Variants in TMEM207 observed in about 807,000 individuals in gnomAD.
TMEM207 encodes SRSR846.
In TMEM207, 15 loss-of-function variants were observed where a neutral mutation model predicts 17.4. That is an observed-to-expected ratio of 0.86 (90% confidence interval 0.58 to 1.33). The LOEUF (loss-of-function observed/expected upper bound fraction) is 1.33, where lower values mean the gene tolerates loss of function less well. Among genes scored for constraint, TMEM207 ranks in the 40% most tolerant of loss-of-function variants. TMEM207 has a pLI of 0.00. For synonymous variants in TMEM207, 70 were observed against 65.6 expected, an observed-to-expected ratio of 1.07 and a Z score of -0.33; for missense variants, 205 against 173.8, an observed-to-expected ratio of 1.18 and a Z score of -1.01.
chr3:190,445,290 C>T (rs1310037802), intron 2 of TMEM207, among the ~76,000 whole-genome samples: 1 of 152,168 alleles, frequency 6.6e-6, no homozygotes. Flanking sequence ...TCATGCACAT[C>T]AGTGTCCTTG....
intron 4 of TMEM207, among the ~76,000 whole-genome samples, chr3:190,434,379 T>C (rs1000392877): frequency 6.6e-6 from 1 of 152,156 alleles, no homozygotes; most frequent in African/African-American, 2.4e-5. Flanking sequence ...TAAGATCTAA[T>C]GGTTTTATCA....
chr3:190,448,555 G>C (rs759872084), intron 1 of TMEM207, among the ~76,000 whole-genome samples: 1 of 152,104 alleles, frequency 6.6e-6, no homozygotes, highest in Non-Finnish European at 1.5e-5. Context: ...TTATCTATTT[G>C]CTTGCTTGAC....
chr3:190,432,104 T>TA (rs1453088231), intron 4 of TMEM207, among the ~76,000 whole-genome samples: 1 of 152,230 alleles, frequency 6.6e-6, no homozygotes, highest in Non-Finnish European at 1.5e-5. Flanking sequence ...CTATAGTTTT[T>TA]ACAGAACTGC....
chr3:190,431,371 T>C (rs921147765), intron 4 of TMEM207, among the ~76,000 whole-genome samples: 11 of 152,100 alleles, frequency 7.2e-5, no homozygotes, highest in Non-Finnish European at 4.4e-5. Flanking sequence ...GCTGTACTAA[T>C]GATAGGAACA....
chr3:190,438,070 G>A (rs1719841264), intron 4 of TMEM207, among the ~76,000 whole-genome samples: 2 of 133,958 alleles, frequency 1.5e-5, no homozygotes, highest in East Asian at 2.4e-4. Context: ...GACACAGGAA[G>A]GGGAACATCA....
At chr3:190,431,767 ATTT>A (rs1356327205) in intron 4 of TMEM207, among the ~76,000 whole-genome samples, 3 of 152,166 alleles carry the variant, frequency 2.0e-5, no homozygotes, top group African/African-American at 4.8e-5. Flanking sequence ...GCTCCAATTT[ATTT>A]GTACGATTGC....
intron 3 of TMEM207, among the ~76,000 whole-genome samples, chr3:190,440,949 A>G (rs1016236116): frequency 1.7e-4 from 26 of 152,122 alleles, no homozygotes; most frequent in African/African-American, 2.2e-4. Context: ...GGCGCCTGTA[A>G]TCCCAGCTAC....
chr3:190,438,177 C>A (rs2108534644), intron 4 of TMEM207, among the ~76,000 whole-genome samples: 1 of 151,708 alleles, frequency 6.6e-6, no homozygotes, highest in East Asian at 1.9e-4. Flanking sequence ...AGCACACCAG[C>A]ATGGCACATG....
chr3:190,430,981 T>C (rs1011564521), intron 4 of TMEM207, among the ~76,000 whole-genome samples: 1 of 152,160 alleles, frequency 6.6e-6, no homozygotes, highest in African/African-American at 2.4e-5. Flanking sequence ...CGGAGATTAC[T>C]CAAAATGATT....
rs6770924 is a variant in TMEM207 at position 190,440,940 on chromosome 3, G to A, written c.158+498C>T. On this transcript the variant is annotated intron_variant, in intron 3 of 4. Transcript: ENST00000354905. ...AAAAATTAGCTGGGCGTGATGGCGG[G>A]CGCCTGTAATCCCAGCTACTCCGGA... Among the ~76,000 whole-genome samples, 337 of 152,264 alleles carry A rather than the reference G, an allele frequency of 2.2e-3. 3 individuals are homozygous for A. Among genetic ancestry groups the A allele is most frequent in the African/African-American group, 7.7e-3 (321 of 41,554 alleles).
rs574601853 is a variant in TMEM207 at position 190,437,798 on chromosome 3, C to T, written c.304+2446G>A. Among the ~76,000 whole-genome samples, 20 of 151,670 alleles carry T rather than the reference C, an allele frequency of 1.3e-4. No homozygotes were observed. In the East Asian group the frequency reaches 2.5e-3, roughly 19 times the overall value. Reference sequence around the variant, plus strand: ...ATGCTGCTATAAAGACACATGCACACGTATGTTTATTGCGGCACTATTCAC... The same window carrying T: ...ATGCTGCTATAAAGACACATGCACATGTATGTTTATTGCGGCACTATTCAC... On this transcript the variant is annotated intron_variant, in intron 4 of 4. Transcript: ENST00000354905.
chr3:190,435,741 G>A (rs1393526307), intron 4 of TMEM207, among the ~76,000 whole-genome samples: 3 of 152,208 alleles, frequency 2.0e-5, no homozygotes, highest in Non-Finnish European at 4.4e-5. Flanking sequence ...GCAGAGTACT[G>A]TGAAAAGACA....
chr3:190,436,937 G>A (rs1320714158), intron 4 of TMEM207, among the ~76,000 whole-genome samples: 1 of 152,136 alleles, frequency 6.6e-6, no homozygotes, highest in African/African-American at 2.4e-5. Flanking sequence ...TGCCTATCCT[G>A]CCATCCTGAG....
intron 2 of TMEM207, among the ~76,000 whole-genome samples, chr3:190,444,096 T>A (rs537027358): frequency 6.6e-6 from 1 of 152,296 alleles, no homozygotes; most frequent in Non-Finnish European, 1.5e-5. Context: ...TTTGATAAAT[T>A]CAGGAAGAAA....
intron 4 of TMEM207, among the ~76,000 whole-genome samples, chr3:190,437,761 G>C (rs1719834458): frequency 1.3e-5 from 2 of 152,000 alleles, no homozygotes; most frequent in African/African-American, 2.4e-5. Context: ...TATACCCAAA[G>C]GACTATAAAT....
At chr3:190,434,641 CAG>C (rs1719762327) in intron 4 of TMEM207, among the ~76,000 whole-genome samples, 1 of 152,188 alleles carries the variant, frequency 6.6e-6, no homozygotes, top group African/African-American at 2.4e-5. Context: ...TACCTCAACA[CAG>C]ATACTGAACA....
intron 4 of TMEM207, among the ~76,000 whole-genome samples, chr3:190,437,919 T>C (rs1481242619): frequency 2.0e-5 from 3 of 151,504 alleles, no homozygotes; most frequent in East Asian, 3.9e-4. Context: ...TATGCAGCCA[T>C]AAAAAATGAT....
rs775651294 is a variant in TMEM207, at chr3:190,429,652, T to C, written c.384A>G (p.Pro128=). The C allele has an allele frequency of 6.8e-6, 11 of 1,613,598 alleles. No homozygotes were observed. Among genetic ancestry groups the C allele is most frequent in the Middle Eastern group, 1.7e-4 (1 of 6,056 alleles). Reference sequence around the variant, plus strand: ...GTGGGGAGCCTAAAGGGCCAAAACATGGAGCAGGAACAGGATATAGGTCAG... The same window carrying C: ...GTGGGGAGCCTAAAGGGCCAAAACACGGAGCAGGAACAGGATATAGGTCAG... ...QTPDLYPVPA[P]CFGPLGSPPP... is the part of the protein sequence containing the mutation. The change falls in exon 5 of 5, where the codon CCA becomes CCG. Residue 128 remains proline, a synonymous_variant. Transcript: ENST00000354905.
At chr3:190,437,573 G>C (rs973250704) in intron 4 of TMEM207, among the ~76,000 whole-genome samples, 2 of 152,056 alleles carry the variant, frequency 1.3e-5, no homozygotes, top group South Asian at 4.1e-4. Flanking sequence ...AGTTAGAATG[G>C]CAATCATTAA....
Sources: gnomAD v4.1 joint callset for allele counts (sites outside exome capture counted in the v4.1 genomes callset) on GRCh38, gnomAD v4.1.1 for gene constraint, MANE v1.5 for transcripts, NCBI Gene and HGNC (gene_info 2026-07-23, HGNC 2026-07-21) for gene names.